The following ELMO1 variants were observed in gnomAD, a reference collection of about 807,000 sequenced individuals.
ELMO1 encodes the protein engulfment and cell motility 1, also known as engulfment and cell motility protein 1.
ELMO1 carries 26 observed loss-of-function variants against 98.9 expected under a neutral mutation model. That is an observed-to-expected ratio of 0.26 (90% CI 0.19 to 0.36). ELMO1 has a LOEUF of 0.36. Ranked by LOEUF, ELMO1 falls within the 10% of genes least tolerant of loss-of-function variation. The probability of loss-of-function intolerance (pLI) is 1.00; values close to 1 mark genes in which losing one functional copy is unlikely to be tolerated. For missense variants in ELMO1, 627 were observed against 935.2 expected (o/e 0.67, Z 4.30); for synonymous variants, 346 against 346.0 (o/e 1.00, Z 0.00).
chr7:37,051,581 G>GTTT (rs34978964), intron 15 of ELMO1, among the ~76,000 whole-genome samples: 16 of 145,064 alleles, frequency 1.1e-4, no homozygotes, highest in Admixed American at 4.8e-4. Flanking sequence ...ACTTAAAGGT[G>GTTT]TTTTTTTTTT....
intron 13 of ELMO1, among the ~76,000 whole-genome samples, chr7:37,142,407 A>G (rs1385007795): frequency 6.6e-6 from 1 of 152,202 alleles, no homozygotes; most frequent in Non-Finnish European, 1.5e-5. Context: ...CATGTATTAA[A>G]TCTCACACCT....
chr7:37,305,783 T>G (rs1798582381), intron 4 of ELMO1, among the ~76,000 whole-genome samples: 1 of 152,242 alleles, frequency 6.6e-6, no homozygotes, highest in African/African-American at 2.4e-5. Flanking sequence ...AGAGCTGGAA[T>G]ATACAGTTTT....
intron 4 of ELMO1, among the ~76,000 whole-genome samples, chr7:37,302,020 T>G (rs1455763057): frequency 6.6e-6 from 1 of 152,160 alleles, no homozygotes; most frequent in African/African-American, 2.4e-5. Context: ...TTCTGGAAAA[T>G]AGTATACCTA....
At chr7:37,353,800 T>C (rs1367501764) in intron 1 of ELMO1, 2 of 152,250 alleles carry the variant, frequency 1.3e-5, no homozygotes, top group East Asian at 1.9e-4. Flanking sequence ...AACCTTTAGC[T>C]AGACACAGAG....
intron 13 of ELMO1, among the ~76,000 whole-genome samples, chr7:37,147,832 G>GAA (rs34146164): frequency 0.019 from 2,560 of 133,328 alleles, 94 homozygotes; most frequent in African/African-American, 0.067. Flanking sequence ...AGAAAAGTTG[G>GAA]AAAAAAAAAA....
At chr7:37,331,333 C>CTTTTTTTTTTTTTTTTTTTTTTTTTTTTT (rs776303689) in intron 2 of ELMO1, among the ~76,000 whole-genome samples, 1 of 28,736 alleles carries the variant, frequency 3.5e-5, no homozygotes, top group African/African-American at 1.1e-4. Flanking sequence ...CCACGCCTGG[C>CTTTTTTTTTTTTTTTTTTTTTTTTTTTTT]TTTTTTTTTT....
intron 2 of ELMO1, among the ~76,000 whole-genome samples, chr7:37,336,464 T>C (rs1020612417): frequency 6.6e-6 from 1 of 152,154 alleles, no homozygotes; most frequent in Non-Finnish European, 1.5e-5. Flanking sequence ...TTGTTATGTA[T>C]GTAGGCAGAG....
At chr7:37,428,644 T>C (rs962968502) in intron 1 of ELMO1, among the ~76,000 whole-genome samples, 1 of 152,254 alleles carries the variant, frequency 6.6e-6, no homozygotes, top group African/African-American at 2.4e-5. Context: ...CCACCACGTC[T>C]TCAGAAATGC....
intron 16 of ELMO1, among the ~76,000 whole-genome samples, chr7:36,929,636 T>C (rs1785867501): frequency 6.6e-6 from 1 of 152,022 alleles, no homozygotes; most frequent in Non-Finnish European, 1.5e-5. Flanking sequence ...GTTGAAAAAA[T>C]AAACAATGAA....
chr7:37,124,128 C>T (rs890336194), intron 14 of ELMO1, among the ~76,000 whole-genome samples: 11 of 152,102 alleles, frequency 7.2e-5, no homozygotes, highest in African/African-American at 1.7e-4. Flanking sequence ...ATTGATGGGA[C>T]GTATCTTAAA....
At chr7:37,336,506 C>G (rs1470764825) in intron 2 of ELMO1, among the ~76,000 whole-genome samples, 1 of 152,132 alleles carries the variant, frequency 6.6e-6, no homozygotes, top group Non-Finnish European at 1.5e-5. Context: ...CGAACATGGA[C>G]TCTAAGACAA....
Position 37,274,131 on chromosome 7 carries a change from AT to A in ELMO1, c.193-2250del, listed in dbSNP as rs541853308. Among the ~76,000 whole-genome samples the A allele has an allele frequency of 1.6e-3, 247 of 152,260 alleles. 1 individual carries two copies. Among genetic ancestry groups the A allele is most frequent in the African/African-American group, 5.8e-3 (240 of 41,542 alleles). Reference sequence around the variant, plus strand: ...TAGAAGCATGCAAACATGGTACTGAATGCCTCTTGGCAGGCAGGCTGAGATA... The same window carrying A: ...TAGAAGCATGCAAACATGGTACTGAAGCCTCTTGGCAGGCAGGCTGAGATA... On this transcript the variant is annotated intron_variant, in intron 4 of 21. Coordinates refer to ENST00000310758, the MANE Select transcript of ELMO1 (RefSeq NM_014800.11).
chr7:37,387,213 G>A (rs541407128), intron 1 of ELMO1, among the ~76,000 whole-genome samples: 1 of 152,334 alleles, frequency 6.6e-6, no homozygotes, highest in South Asian at 2.1e-4. Context: ...CAACCCAAGA[G>A]TGCCAATGGA....
At chr7:37,232,947 C>A in intron 8 of ELMO1, 148 bp downstream of exon 8, 1 of 716,632 alleles carries the variant, frequency 1.4e-6, no homozygotes, top group Non-Finnish European at 2.2e-6. Context: ...TTTCCTGACC[C>A]CCACATACAT....
intron 18 of ELMO1, among the ~76,000 whole-genome samples, chr7:36,880,709 T>A (rs774473435): frequency 6.6e-6 from 1 of 152,130 alleles, no homozygotes; most frequent in Non-Finnish European, 1.5e-5. Context: ...GTCTGGGAAG[T>A]AGGAACTGGG....
intron 2 of ELMO1, among the ~76,000 whole-genome samples, chr7:37,340,153 AT>A (rs1369492632): frequency 6.6e-6 from 1 of 152,228 alleles, no homozygotes; most frequent in African/African-American, 2.4e-5. Context: ...AACTGATGGA[AT>A]TTGAATATGG....
At position 37,174,732 on chromosome 7, in the gene ELMO1, A is replaced by G. The variant is rs193137896; in HGVS notation, c.1086+36654T>C. Among the ~76,000 whole-genome samples the G allele has an allele frequency of 6.6e-3, 1,010 of 152,306 alleles. 7 individuals are homozygous for G. The highest frequency in any genetic ancestry group is 0.011 in the Non-Finnish European group (718 of 68,026). On this transcript the variant is annotated intron_variant, in intron 13 of 21. Coordinates refer to ENST00000310758, the MANE Select transcript of ELMO1 (RefSeq NM_014800.11). Reference sequence around the variant, plus strand: ...ACTCACTTTATGATCTGTGGCTGGCACACTGTTAATTACATGGCAAGGAGA... The same window carrying G: ...ACTCACTTTATGATCTGTGGCTGGCGCACTGTTAATTACATGGCAAGGAGA...
rs140263278 is a variant in ELMO1 at position 36,943,428 on chromosome 7, C to T, written c.1438-48411G>A. Among the ~76,000 whole-genome samples, 461 of 152,338 alleles carry T rather than the reference C, an allele frequency of 3.0e-3. 1 individual carries two copies. The highest frequency in any genetic ancestry group is 0.011 in the African/African-American group (445 of 41,578). On this transcript the variant is annotated intron_variant, in intron 16 of 21. Transcript: ENST00000310758. Reference sequence around the variant, plus strand: ...AAGGGCCACTGGCCTCTCCTTGTCTCTGTGCTCTCTGTTGGCATTTTAGAT... The same window carrying T: ...AAGGGCCACTGGCCTCTCCTTGTCTTTGTGCTCTCTGTTGGCATTTTAGAT...
intron 13 of ELMO1, among the ~76,000 whole-genome samples, chr7:37,155,704 G>A (rs1788711152): frequency 6.6e-6 from 1 of 152,060 alleles, no homozygotes; most frequent in Non-Finnish European, 1.5e-5. Flanking sequence ...AAGAGACTCA[G>A]ACTCCCACTA....
Sources: allele counts gnomAD v4.1 joint callset (sites outside exome capture counted in the v4.1 genomes callset), GRCh38; gene constraint gnomAD v4.1.1; transcripts MANE v1.5; gene names NCBI Gene and HGNC (gene_info 2026-07-23, HGNC 2026-07-21).